FSTL5: variants seen among roughly 807,000 people sequenced by gnomAD.
The protein encoded by FSTL5 is follistatin like 5.
Under a neutral mutation model 89.1 loss-of-function variants are expected in FSTL5, and 62 were observed. The observed-to-expected ratio is 0.70, with a 90% CI of 0.57 to 0.86. The LOEUF is 0.86. Ranked by LOEUF, FSTL5 falls within the 40% of genes least tolerant of loss-of-function variation. The pLI, the probability that FSTL5 is intolerant of heterozygous loss-of-function variation, is 0.00. For synonymous variants in FSTL5, 383 were observed against 346.2 expected (o/e 1.11, Z -1.18); for missense variants, 1,057 against 1,001.6 (o/e 1.06, Z -0.75).
intron 3 of FSTL5, among the ~76,000 whole-genome samples, chr4:162,024,899 C>T (rs1275590657): frequency 6.6e-6 from 1 of 152,004 alleles, no homozygotes; most frequent in Admixed American, 6.6e-5. Flanking sequence ...TGAAGCAATC[C>T]TCCAGCCTCC....
At chr4:161,973,177 T>C (rs1306741167) in intron 3 of FSTL5, among the ~76,000 whole-genome samples, 1 of 152,182 alleles carries the variant, frequency 6.6e-6, no homozygotes, top group Non-Finnish European at 1.5e-5. Context: ...TTCATGTTTT[T>C]TTTTCTGTAT....
chr4:161,569,856 G>A (rs1339417314), intron 8 of FSTL5, among the ~76,000 whole-genome samples: 2 of 151,602 alleles, frequency 1.3e-5, no homozygotes, highest in Non-Finnish European at 2.9e-5. Context: ...CTTAGACAAT[G>A]AAGAAATGTT....
chr4:161,869,019 C>T (rs559818404), intron 4 of FSTL5, among the ~76,000 whole-genome samples: 28 of 152,076 alleles, frequency 1.8e-4, no homozygotes, highest in Admixed American at 1.3e-3. Context: ...GTCAGGAGTC[C>T]GAGACCAGCC....
At chr4:161,527,295 G>C (rs1432020299) in intron 10 of FSTL5, among the ~76,000 whole-genome samples, 1 of 151,948 alleles carries the variant, frequency 6.6e-6, no homozygotes, top group African/African-American at 2.4e-5. Context: ...TTGACAAATG[G>C]GATCTAATTA....
At chr4:161,621,290 AC>A (rs1735112990) in intron 7 of FSTL5, among the ~76,000 whole-genome samples, 2 of 151,830 alleles carry the variant, frequency 1.3e-5, no homozygotes, top group African/African-American at 4.8e-5. Context: ...ACACACACAC[AC>A]ACACACACAC....
chr4:161,719,353 T>C (rs901243168), intron 6 of FSTL5, among the ~76,000 whole-genome samples: 2 of 152,206 alleles, frequency 1.3e-5, no homozygotes, highest in African/African-American at 2.4e-5. Flanking sequence ...AGCTTTGAAA[T>C]GGATTTTAAT....
intron 1 of FSTL5, among the ~76,000 whole-genome samples, chr4:162,141,813 C>T (rs185674336): frequency 2.1e-4 from 32 of 151,882 alleles, no homozygotes; most frequent in Middle Eastern, 3.4e-3. Flanking sequence ...AGAGGTCAAG[C>T]CGCAAATAGC....
At chr4:161,587,419 C>A in intron 8 of FSTL5, 36 bp downstream of exon 8, 1 of 1,603,686 alleles carries the variant, frequency 6.2e-7, no homozygotes, top group South Asian at 1.1e-5. Flanking sequence ...CTATGGTGTT[C>A]TTTGAATAGT....
intron 6 of FSTL5, among the ~76,000 whole-genome samples, chr4:161,749,220 C>T (rs1396617295): frequency 1.3e-5 from 2 of 152,120 alleles, no homozygotes; most frequent in East Asian, 3.9e-4. Flanking sequence ...TGAAAAGACA[C>T]CTGCATTCCT....
intron 3 of FSTL5, among the ~76,000 whole-genome samples, chr4:162,031,611 C>T (rs928279515): frequency 1.3e-5 from 2 of 152,106 alleles, no homozygotes; most frequent in African/African-American, 2.4e-5. Context: ...AACAAGTCCT[C>T]ATGTAAACAT....
intron 2 of FSTL5, among the ~76,000 whole-genome samples, chr4:162,062,679 T>C (rs1738759254): frequency 6.6e-6 from 1 of 151,086 alleles, no homozygotes; most frequent in Admixed American, 6.6e-5. Flanking sequence ...ATATTTCCAG[T>C]TGAAATTAAA....
chr4:162,096,239 T>C (rs560725727), intron 2 of FSTL5, among the ~76,000 whole-genome samples: 94 of 152,060 alleles, frequency 6.2e-4, no homozygotes, highest in African/African-American at 2.0e-3. Flanking sequence ...AAAGACTTGA[T>C]TCATGGAACT....
chr4:162,052,034 C>T (rs892520708), intron 2 of FSTL5, among the ~76,000 whole-genome samples: 5 of 151,112 alleles, frequency 3.3e-5, no homozygotes, highest in Non-Finnish European at 7.4e-5. Context: ...ATCTCATAGC[C>T]AAACCTGTCT....
chr4:162,111,231 T>A, intron 2 of FSTL5, 40 bp downstream of exon 2: 1 of 1,473,414 alleles, frequency 6.8e-7, no homozygotes, highest in Non-Finnish European at 9.1e-7. Flanking sequence ...TAGTTTATAA[T>A]TGGCAGGCAC....
rs563543538 is a variant in FSTL5 at position 162,085,395 on chromosome 4, A to AT, written c.126+25875dup. Among the ~76,000 whole-genome samples the AT allele has an allele frequency of 2.5e-3, 384 of 152,166 alleles. 1 individual carries two copies. The highest frequency in any genetic ancestry group is 6.8e-3 in the Middle Eastern group (2 of 294). On this transcript the variant is annotated intron_variant, in intron 2 of 15. Transcript: ENST00000306100. The stretch of plus-strand genomic sequence containing the variant: ...TAAAAAAGTACTTAACAATCAGGAG[A>AT]TTTTTTTCAATTTCAGTATAAGAAA...
At chr4:161,441,544 T>A (rs1037570461) in intron 15 of FSTL5, among the ~76,000 whole-genome samples, 4 of 152,084 alleles carry the variant, frequency 2.6e-5, no homozygotes, top group Admixed American at 2.0e-4. Context: ...AATGAAATAT[T>A]TCCTTCAATA....
chr4:161,409,278 A>C (rs1321417987), intron 15 of FSTL5, among the ~76,000 whole-genome samples: 1 of 152,182 alleles, frequency 6.6e-6, no homozygotes, highest in Admixed American at 6.5e-5. Flanking sequence ...AAAGAAAAGA[A>C]ATTTCAATCA....
chr4:161,486,143 C>CAA (rs1278214856), intron 12 of FSTL5, among the ~76,000 whole-genome samples: 6,124 of 75,782 alleles, frequency 0.081, 245 homozygotes, highest in Non-Finnish European at 0.12. Flanking sequence ...GACTCCGTCT[C>CAA]AAAAAAAAAA....
At chr4:162,063,433 A>G (rs561546176) in intron 2 of FSTL5, among the ~76,000 whole-genome samples, 3 of 151,962 alleles carry the variant, frequency 2.0e-5, no homozygotes, top group African/African-American at 4.8e-5. Flanking sequence ...AGTTTTATTG[A>G]TAGCTTGTAT....
Sources: gnomAD v4.1 joint callset for allele counts (sites outside exome capture counted in the v4.1 genomes callset) on GRCh38, gnomAD v4.1.1 for gene constraint, MANE v1.5 for transcripts, NCBI Gene and HGNC (gene_info 2026-07-23, HGNC 2026-07-21) for gene names.